LNPK: variants seen among roughly 807,000 people sequenced by gnomAD.
The protein encoded by LNPK is lunapark, ER junction formation factor.
LNPK carries 29 observed loss-of-function variants against 55.2 expected under a neutral mutation model. That is an observed-to-expected ratio of 0.53 (90% CI 0.39 to 0.72). The LOEUF (loss-of-function observed/expected upper bound fraction) is 0.72, where lower values mean the gene tolerates loss of function less well. Among genes scored for constraint, LNPK ranks in the 30% least tolerant of loss-of-function variants. LNPK has a pLI of 0.00. For synonymous variants in LNPK, 162 were observed against 168.2 expected, an observed-to-expected ratio of 0.96 and a Z score of 0.29; for missense variants, 467 against 494.8, an observed-to-expected ratio of 0.94 and a Z score of 0.53.
In LNPK at chr2:175,929,816, C is replaced by T. The variant is rs1452877577; in HGVS notation, c.*151G>A. ...TAATTTTAATACCCAGTATATATAA[C>T]TTTGAGATGTTCAAATAGCTAGGCA... On this transcript the variant is annotated 3_prime_UTR_variant, in exon 13 of 13. Coordinates refer to ENST00000272748, the MANE Select transcript of LNPK (RefSeq NM_030650.3). 2.1e-6 allele frequency: 3 copies of T among 1,452,138 alleles called. No individual in the cohort carries two copies. The highest frequency in any genetic ancestry group is 2.9e-5 in the African/African-American group (2 of 69,826). The allele number at this position is 1,452,138 out of a possible 1,614,324, so 90.0% of individuals were successfully genotyped here.
intron 9 of LNPK, among the ~76,000 whole-genome samples, chr2:175,945,215 A>T (rs1227241667): frequency 6.7e-6 from 1 of 149,310 alleles, no homozygotes; most frequent in African/African-American, 2.4e-5. Context: ...TACACTTTTA[A>T]GTTTCCATCA....
intron 4 of LNPK, among the ~76,000 whole-genome samples, chr2:175,987,800 C>G (rs1399793839): frequency 6.6e-6 from 1 of 152,082 alleles, no homozygotes; most frequent in African/African-American, 2.4e-5. Context: ...TGGAATATTA[C>G]TACAGCATGA....
intron 8 of LNPK, among the ~76,000 whole-genome samples, chr2:175,955,532 T>C (rs1487140553): frequency 6.6e-6 from 1 of 152,238 alleles, no homozygotes; most frequent in African/African-American, 2.4e-5. Context: ...GTTTGTTATA[T>C]ACTAAACAAT....
chr2:175,946,840 T>A (rs909033722), intron 9 of LNPK, among the ~76,000 whole-genome samples: 2 of 152,142 alleles, frequency 1.3e-5, no homozygotes, highest in African/African-American at 4.8e-5. Flanking sequence ...CATGCCCCAG[T>A]CACACTCCAA....
intron 8 of LNPK, among the ~76,000 whole-genome samples, chr2:175,952,426 T>C (rs983711107): frequency 6.6e-6 from 1 of 151,992 alleles, no homozygotes; most frequent in African/African-American, 2.4e-5. Context: ...TAAATTTCTA[T>C]TGTTTTCAGT....
At chr2:175,956,006 G>A (rs80066145) in intron 8 of LNPK, among the ~76,000 whole-genome samples, 3 of 152,248 alleles carry the variant, frequency 2.0e-5, no homozygotes, top group East Asian at 1.9e-4. Flanking sequence ...TAGGCTGGGC[G>A]TGGTGATTAA....
chr2:175,986,669 A>C lies in LNPK; in HGVS notation c.257+5562T>G, dbSNP rs182600255. Among the ~76,000 whole-genome samples, 863 of 152,278 alleles carry C rather than the reference A, an allele frequency of 5.7e-3. 9 individuals are homozygous for C. The highest frequency in any genetic ancestry group is 0.02 in the African/African-American group (812 of 41,588). ...TATTTAATATAATCCCTTTGTATCA[A>C]GAGAAGATGAAAAATCATATGGTAT... On this transcript the variant is annotated intron_variant, in intron 4 of 12. Coordinates refer to ENST00000272748, the MANE Select transcript of LNPK (RefSeq NM_030650.3).
At chr2:175,934,151 T>G (rs187402504) in intron 12 of LNPK, among the ~76,000 whole-genome samples, 1 of 152,150 alleles carries the variant, frequency 6.6e-6, no homozygotes, top group African/African-American at 2.4e-5. Flanking sequence ...ATACTACATA[T>G]CTTGAGAAGG....
intron 12 of LNPK, among the ~76,000 whole-genome samples, chr2:175,930,543 A>G (rs1276125754): frequency 6.6e-6 from 1 of 152,098 alleles, no homozygotes; most frequent in African/African-American, 2.4e-5. Flanking sequence ...TATGTGCTAT[A>G]ATACAATAGT....
intron 9 of LNPK, among the ~76,000 whole-genome samples, chr2:175,940,192 TAG>T (rs1006377528): frequency 8.6e-5 from 13 of 151,946 alleles, no homozygotes; most frequent in African/African-American, 3.1e-4. Context: ...TTATTGCCTA[TAG>T]AGAGTTTCCA....
At chr2:175,994,093 C>T (rs2105362874) in intron 2 of LNPK, 5 of 750,220 alleles carry the variant, frequency 6.7e-6, no homozygotes, top group Non-Finnish European at 8.1e-6. Context: ...AGAATGAAAA[C>T]CAGCCAAAAT....
At chr2:175,962,080 C>G (rs930823130) in intron 8 of LNPK, among the ~76,000 whole-genome samples, 2 of 152,186 alleles carry the variant, frequency 1.3e-5, no homozygotes, top group Non-Finnish European at 2.9e-5. Context: ...AAGAACATTC[C>G]ATGCTCATGG....
Position 175,937,343 on chromosome 2 carries a change from C to T in LNPK, c.1054+1G>A. The stretch of plus-strand genomic sequence containing the variant: ...GGCAAAACTGTTTAACATATTCATA[C>T]CTTCATTAAACTGGTTGTCTGATGA... On this transcript the variant is annotated splice_donor_variant, in intron 12 of 12. Coordinates refer to ENST00000272748, the MANE Select transcript of LNPK (RefSeq NM_030650.3). LOFTEE classifies it high-confidence loss of function. 6.2e-7 allele frequency: 1 copy of T among 1,612,126 alleles called. No homozygotes were observed. The highest frequency in any genetic ancestry group is 8.5e-7 in the Non-Finnish European group (1 of 1,179,032).
intron 2 of LNPK, among the ~76,000 whole-genome samples, chr2:175,993,536 C>T (rs1687794083): frequency 6.6e-6 from 1 of 152,154 alleles, no homozygotes; most frequent in African/African-American, 2.4e-5. Flanking sequence ...AAATTTTGGC[C>T]ACGCACGGTG....
chr2:175,991,373 A>G (rs550536010), intron 4 of LNPK, among the ~76,000 whole-genome samples: 2 of 152,344 alleles, frequency 1.3e-5, no homozygotes, highest in Non-Finnish European at 2.9e-5. Flanking sequence ...TAGCAGAGAT[A>G]ATTATTTTGC....
intron 8 of LNPK, among the ~76,000 whole-genome samples, chr2:175,958,588 G>A (rs1685820562): frequency 6.6e-6 from 1 of 152,184 alleles, no homozygotes; most frequent in Non-Finnish European, 1.5e-5. Flanking sequence ...AATACCAAAG[G>A]TAGATAAAAC....
intron 4 of LNPK, among the ~76,000 whole-genome samples, chr2:175,990,895 A>G (rs1440353017): frequency 6.6e-6 from 1 of 152,180 alleles, no homozygotes; most frequent in African/African-American, 2.4e-5. Flanking sequence ...AGAAGGACAC[A>G]GTAAGGATAA....
chr2:175,992,265 C>A lies in LNPK; in HGVS notation c.223G>T (p.Ala75Ser), dbSNP rs2105720646. ...YLPDEFTARL[A>S]MTLPFFAFPL... ...AAAGCAAAAAATGGGAGTGTCATGG[C>A]AAGTCTTGCTGTAAATTCATCAGGA... Residue 75 changes from alanine (A) to serine (S), a missense_variant, in exon 4 of 13, where the codon GCC (alanine) becomes TCC (serine). Coordinates refer to ENST00000272748, the MANE Select transcript of LNPK (RefSeq NM_030650.3). 1.3e-6 allele frequency: 2 copies of A among 1,561,958 alleles called. No homozygotes were observed. Among genetic ancestry groups the A allele is most frequent in the African/African-American group, 1.4e-5 (1 of 71,268 alleles).
intron 4 of LNPK, 60 bp downstream of exon 4, chr2:175,992,171 A>C (rs988451589): frequency 1.9e-6 from 2 of 1,033,016 alleles, no homozygotes; most frequent in African/African-American, 3.4e-5. Flanking sequence ...CATATTAGAT[A>C]TACATTAAGA....
Sources: gnomAD v4.1 joint callset for allele counts (sites outside exome capture counted in the v4.1 genomes callset) on GRCh38, gnomAD v4.1.1 for gene constraint, MANE v1.5 for transcripts, NCBI Gene and HGNC (gene_info 2026-07-23, HGNC 2026-07-21) for gene names.